The following ITPR2 variants were observed in gnomAD, a reference collection of about 807,000 sequenced individuals.
ITPR2 encodes inositol 1,4,5-trisphosphate receptor type 2.
ITPR2 carries 207 observed loss-of-function variants against 317.1 expected under a neutral mutation model. The observed-to-expected ratio is 0.65, with a 90% CI of 0.58 to 0.73. The LOEUF is 0.73. Ranked by LOEUF, ITPR2 falls within the 30% of genes least tolerant of loss-of-function variation. The pLI is 0.00. For missense variants in ITPR2, 2,613 were observed against 3,284.0 expected (o/e 0.80, Z 4.99); for synonymous variants, 1,156 against 1,149.1 (o/e 1.01, Z -0.12).
At chr12:26,381,628 T>G (rs1445651581) in intron 55 of ITPR2, among the ~76,000 whole-genome samples, 2 of 152,238 alleles carry the variant, frequency 1.3e-5, no homozygotes, top group Non-Finnish European at 2.9e-5. Context: ...AACAAAAACA[T>G]GAGTTAAATT....
At chr12:26,412,770 T>C (rs1940591048) in intron 51 of ITPR2, among the ~76,000 whole-genome samples, 1 of 152,116 alleles carries the variant, frequency 6.6e-6, no homozygotes, top group African/African-American at 2.4e-5. Flanking sequence ...AAGGGGGTGA[T>C]TCCAGGTACA....
At chr12:26,520,065 C>A (rs1386924819) in intron 37 of ITPR2, among the ~76,000 whole-genome samples, 1 of 152,160 alleles carries the variant, frequency 6.6e-6, no homozygotes, top group African/African-American at 2.4e-5. Flanking sequence ...AGAAACTATT[C>A]TTGTTACATT....
rs373328487 is a variant in ITPR2, at chr12:26,411,428, G to C, written c.7307-16C>G. 7.7e-6 allele frequency: 12 copies of C among 1,552,502 alleles called. No homozygotes were observed. In the African/African-American group the frequency reaches 1.6e-4, roughly 21 times the overall value. ...TGATGACTGCCTAAGAAAATACAAA[G>C]TAGTATATAATATAGAGTCAAATAT... On this transcript the variant is annotated splice_polypyrimidine_tract_variant and intron_variant, in intron 51 of 56. Transcript: ENST00000381340.
chr12:26,823,630 G>T (rs1950970318), intron 1 of ITPR2, among the ~76,000 whole-genome samples: 1 of 152,138 alleles, frequency 6.6e-6, no homozygotes, highest in Admixed American at 6.5e-5. Context: ...ATAGTCACAT[G>T]TGTCTTAATA....
At chr12:26,740,270 G>A (rs551396214) in intron 2 of ITPR2, among the ~76,000 whole-genome samples, 2 of 152,262 alleles carry the variant, frequency 1.3e-5, no homozygotes, top group East Asian at 3.9e-4. Context: ...GGGTCCCAAC[G>A]AACAAAATTG....
intron 2 of ITPR2, among the ~76,000 whole-genome samples, chr12:26,748,158 A>C (rs1224595648): frequency 6.6e-6 from 1 of 152,088 alleles, no homozygotes; most frequent in East Asian, 1.9e-4. Flanking sequence ...TCCTGGGTTC[A>C]AGTGATTCTC....
intron 55 of ITPR2, among the ~76,000 whole-genome samples, chr12:26,382,937 T>A (rs988921817): frequency 6.6e-6 from 1 of 152,198 alleles, no homozygotes; most frequent in Non-Finnish European, 1.5e-5. Context: ...GAAACTGAGG[T>A]GCTATGGCTT....
At chr12:26,741,158 T>C (rs1205622253) in intron 2 of ITPR2, among the ~76,000 whole-genome samples, 2 of 152,224 alleles carry the variant, frequency 1.3e-5, no homozygotes, top group Non-Finnish European at 2.9e-5. Flanking sequence ...GAGGCTCCCA[T>C]TGAGGGGGAG....
intron 37 of ITPR2, among the ~76,000 whole-genome samples, chr12:26,507,473 G>A (rs1025496169): frequency 3.3e-5 from 5 of 152,138 alleles, no homozygotes; most frequent in African/African-American, 1.2e-4. Flanking sequence ...CTACTTTAAT[G>A]CATTTAGAAC....
At chr12:26,486,411 A>G (rs746423406) in intron 40 of ITPR2, 51 bp from the exon 41 acceptor site, 5 of 1,237,208 alleles carry the variant, frequency 4.0e-6, no homozygotes, top group Non-Finnish European at 5.5e-6. Context: ...GCTTTTACTA[A>G]TTAAAAAAAA....
At chr12:26,742,630 C>T (rs1213718655) in intron 2 of ITPR2, among the ~76,000 whole-genome samples, 1 of 151,986 alleles carries the variant, frequency 6.6e-6, no homozygotes, top group Non-Finnish European at 1.5e-5. Context: ...GCCTGGCCAA[C>T]ATGGTGAAAC....
At chr12:26,646,472 C>A (rs1056954059) in intron 21 of ITPR2, among the ~76,000 whole-genome samples, 4 of 152,148 alleles carry the variant, frequency 2.6e-5, no homozygotes, top group Non-Finnish European at 5.9e-5. Context: ...TTAAACTGCA[C>A]AAGCAAGTGG....
At position 26,622,365 on chromosome 12, in the gene ITPR2, T is replaced by C; in HGVS notation, c.3163A>G (p.Arg1055Gly). Residue 1055 changes from arginine (R) to glycine (G), a missense_variant, in exon 25 of 57, where the codon AGG becomes GGG. Transcript: ENST00000381340. ...NPVQLDDEGG[R>G]TFLRVLIHLI... ...TGAATGAGGACCCGTAAAAACGTCC[T>C]GCCTCCTTCATCGTCAAGTTGAACT... The C allele has an allele frequency of 1.9e-6, 3 of 1,610,378 alleles. No homozygotes were observed. The highest frequency in any genetic ancestry group is 2.5e-6 in the Non-Finnish European group (3 of 1,178,992).
intron 45 of ITPR2, among the ~76,000 whole-genome samples, chr12:26,465,012 G>A (rs1942134499): frequency 6.6e-6 from 1 of 152,214 alleles, no homozygotes; most frequent in African/African-American, 2.4e-5. Context: ...GTGTGCAGAA[G>A]ACAGGCCCAC....
intron 2 of ITPR2, among the ~76,000 whole-genome samples, chr12:26,746,744 A>G (rs896783386): frequency 2.6e-5 from 4 of 152,140 alleles, no homozygotes; most frequent in Admixed American, 2.6e-4. Context: ...CAAACTAGGT[A>G]TCTTAAAACA....
At chr12:26,374,596 G>T (rs1939285034) in intron 55 of ITPR2, among the ~76,000 whole-genome samples, 1 of 152,144 alleles carries the variant, frequency 6.6e-6, no homozygotes, top group Admixed American at 6.5e-5. Context: ...AGTAGATGTG[G>T]GAGATTAAAC....
At chr12:26,436,470 T>A in intron 47 of ITPR2, 124 bp from the exon 48 acceptor site, 1 of 788,878 alleles carries the variant, frequency 1.3e-6, no homozygotes, top group Non-Finnish European at 1.9e-6. Context: ...AAAACCTATT[T>A]AAATAAATAT....
chr12:26,495,099 A>G (rs756147973), intron 38 of ITPR2, 53 bp downstream of exon 38: 38 of 914,650 alleles, frequency 4.2e-5, no homozygotes, highest in Non-Finnish European at 6.6e-5. Flanking sequence ...TAACACTGAC[A>G]TGAAGATGTA....
chr12:26,445,929 T>A (rs888259938), intron 45 of ITPR2, among the ~76,000 whole-genome samples: 1 of 152,118 alleles, frequency 6.6e-6, no homozygotes, highest in Non-Finnish European at 1.5e-5. Flanking sequence ...TAGAGCAACA[T>A]CTTGACTAGG....
Sources: allele counts gnomAD v4.1 joint callset (sites outside exome capture counted in the v4.1 genomes callset), GRCh38; gene constraint gnomAD v4.1.1; transcripts MANE v1.5; gene names NCBI Gene and HGNC (gene_info 2026-07-23, HGNC 2026-07-21).